The following SYTL5 variants were observed in gnomAD, a reference collection of about 807,000 sequenced individuals.
SYTL5 encodes synaptotagmin-like protein 5.
SYTL5 carries 34 observed loss-of-function variants against 55.9 expected under a neutral mutation model. That is an observed-to-expected ratio of 0.61 (90% CI 0.46 to 0.81). The LOEUF (loss-of-function observed/expected upper bound fraction) is 0.81. Ranked by LOEUF, SYTL5 falls within the 30% of genes least tolerant of loss-of-function variation. SYTL5 has a pLI of 0.00. For missense variants in SYTL5, 637 were observed against 546.7 expected (o/e 1.17, Z -1.65); for synonymous variants, 221 against 188.7 (o/e 1.17, Z -1.40).
At chrX:37,998,421 G>C in the SYTL5 span, among the ~76,000 whole-genome samples, 1 of 112,035 alleles carries the variant, frequency 8.9e-6, no homozygotes, top group South Asian at 3.8e-4. Context: ...ACTTCCAGGT[G>C]CCACCATGTT....
chrX:37,969,927 C>T, the SYTL5 span, among the ~76,000 whole-genome samples: 1 of 112,006 alleles, frequency 8.9e-6, no homozygotes, highest in Non-Finnish European at 1.9e-5. Context: ...AGCCAAGGTG[C>T]CCAGCCTGGC....
At chrX:37,994,143 T>C in the SYTL5 span, among the ~76,000 whole-genome samples, 1 of 112,082 alleles carries the variant, frequency 8.9e-6, no homozygotes, top group East Asian at 2.8e-4. Flanking sequence ...CTCATGGGCT[T>C]TTCTAGGCTG....
At chrX:38,123,250 A>T (rs940620842) in intron 15 of SYTL5, among the ~76,000 whole-genome samples, 1 of 111,858 alleles carries the variant, frequency 8.9e-6, no homozygotes, top group Non-Finnish European at 1.9e-5. Flanking sequence ...AGTGATTCTC[A>T]TATCTCAGTC....
intron 9 of SYTL5, among the ~76,000 whole-genome samples, chrX:38,097,416 T>C (rs184235992): frequency 9.0e-6 from 1 of 110,534 alleles, no homozygotes; most frequent in African/African-American, 3.3e-5. Context: ...ATACTAGCAA[T>C]GATCAATTGG....
the SYTL5 span, among the ~76,000 whole-genome samples, chrX:37,925,370 A>C: frequency 9.0e-6 from 1 of 111,179 alleles, no homozygotes; most frequent in African/African-American, 3.3e-5. Context: ...GTTTTGATAT[A>C]CAGATTTCCT....
At chrX:38,085,173 T>A (rs1302863713) in intron 6 of SYTL5, among the ~76,000 whole-genome samples, 1 of 111,041 alleles carries the variant, frequency 9.0e-6, no homozygotes, top group Non-Finnish European at 1.9e-5. Flanking sequence ...GAGGGAGCAA[T>A]GCAGGTGGAG....
chrX:38,080,933 C>G (rs935183581), intron 6 of SYTL5, among the ~76,000 whole-genome samples: 1 of 111,549 alleles, frequency 9.0e-6, no homozygotes, highest in Non-Finnish European at 1.9e-5. Context: ...GTCTGTTTTG[C>G]GTATTAGATA....
At chrX:37,934,186 C>T in the SYTL5 span, among the ~76,000 whole-genome samples, 1 of 110,270 alleles carries the variant, frequency 9.1e-6, no homozygotes, top group Admixed American at 9.8e-5. Flanking sequence ...GAAACTATGG[C>T]GTATCCACAG....
At chrX:37,927,141 T>A in the SYTL5 span, among the ~76,000 whole-genome samples, 1 of 112,193 alleles carries the variant, frequency 8.9e-6, no homozygotes, top group Non-Finnish European at 1.9e-5. Context: ...CTGACGGATA[T>A]GTCTACATAC....
intron 6 of SYTL5, among the ~76,000 whole-genome samples, chrX:38,082,644 T>C (rs750008635): frequency 8.9e-6 from 1 of 112,735 alleles, no homozygotes; most frequent in Admixed American, 9.4e-5. Flanking sequence ...AAAGATGTTC[T>C]GCGTGCTATG....
the SYTL5 span, among the ~76,000 whole-genome samples, chrX:37,924,480 A>G: frequency 5.2e-4 from 58 of 111,557 alleles, no homozygotes; most frequent in African/African-American, 1.8e-3. Flanking sequence ...AACTGACCAA[A>G]TAGATGTAAA....
rs775504920 is a variant in SYTL5, at chrX:38,106,667, C to A, written c.1230C>A (p.Ile410=). 8.3e-6 allele frequency: 10 copies of A among 1,208,505 alleles called. No individual in the cohort carries two copies. The highest frequency in any genetic ancestry group is 7.1e-5 in the South Asian group (4 of 56,262). The change falls in exon 11 of 17, where the codon ATC becomes ATA. Residue 410 remains isoleucine (I), a synonymous_variant. Coordinates refer to ENST00000297875, the MANE Select transcript of SYTL5 (RefSeq NM_138780.3). Reference sequence around the variant, plus strand: ...GCAACGTGAAAGTCAGTGGTGAAATCCTTCTCCATATCAGCTACTGCTACA... The same window carrying A: ...GCAACGTGAAAGTCAGTGGTGAAATACTTCTCCATATCAGCTACTGCTACA... ...DYGNVKVSGE[I]LLHISYCYKT...
At chrX:38,071,851 G>A (rs1027711119) in intron 3 of SYTL5, among the ~76,000 whole-genome samples, 196 bp from the exon 4 acceptor site, 2 of 112,059 alleles carry the variant, frequency 1.8e-5, no homozygotes, top group African/African-American at 6.5e-5. Flanking sequence ...TATGAAGTAT[G>A]AACCGTAATT....
At chrX:38,056,062 TTCTG>T (rs1465865028) in intron 3 of SYTL5, among the ~76,000 whole-genome samples, 2 of 111,938 alleles carry the variant, frequency 1.8e-5, no homozygotes, top group Non-Finnish European at 3.8e-5. Context: ...ATCTTATTTA[TTCTG>T]TCTAACTATT....
intron 7 of SYTL5, among the ~76,000 whole-genome samples, chrX:38,092,751 C>T (rs1161692677): frequency 9.0e-6 from 1 of 111,246 alleles, no homozygotes; most frequent in Non-Finnish European, 1.9e-5. Context: ...ATCTAGGCAT[C>T]CCTCAACCCA....
chrX:38,047,514 C>T (rs1935499951), intron 2 of SYTL5, among the ~76,000 whole-genome samples: 1 of 112,591 alleles, frequency 8.9e-6, no homozygotes, highest in Non-Finnish European at 1.9e-5. Context: ...AGCATGGAGA[C>T]CCTGGGCCCT....
chrX:37,998,113 C>G, the SYTL5 span, among the ~76,000 whole-genome samples: 36 of 112,209 alleles, frequency 3.2e-4, no homozygotes, highest in African/African-American at 1.0e-3. Context: ...GGAGCTGCCC[C>G]CTGTGGGAGA....
chrX:37,913,358 C>T, the SYTL5 span, among the ~76,000 whole-genome samples: 2 of 112,599 alleles, frequency 1.8e-5, no homozygotes, highest in East Asian at 5.6e-4. Flanking sequence ...AATATTTGAT[C>T]TGTGATAGAT....
At chrX:38,023,016 A>G (rs780330566) in intron 1 of SYTL5, among the ~76,000 whole-genome samples, 6 of 112,251 alleles carry the variant, frequency 5.3e-5, no homozygotes, top group Non-Finnish European at 1.1e-4. Context: ...TTTGTAAACC[A>G]TATTAAACAA....
Sources: gnomAD v4.1 joint callset for allele counts (sites outside exome capture counted in the v4.1 genomes callset) on GRCh38, gnomAD v4.1.1 for gene constraint, MANE v1.5 for transcripts, NCBI Gene and HGNC (gene_info 2026-07-23, HGNC 2026-07-21) for gene names.